RELN: variants seen among roughly 807,000 people sequenced by gnomAD.
RELN encodes the protein reelin.
RELN carries 108 observed loss-of-function variants against 427.6 expected under a neutral mutation model. The observed-to-expected ratio is 0.25, with a 90% CI of 0.22 to 0.30. RELN has a LOEUF of 0.30. Ranked by LOEUF, RELN falls within the 10% of genes least tolerant of loss-of-function variation. The probability of loss-of-function intolerance (pLI) is 1.00; values close to 1 mark genes in which losing one functional copy is unlikely to be tolerated. For missense variants in RELN, 3,715 were observed against 4,302.8 expected, an observed-to-expected ratio of 0.86 and a Z score of 3.82; for synonymous variants, 1,524 against 1,513.4, an observed-to-expected ratio of 1.01 and a Z score of -0.16.
chr7:103,724,178 T>C (rs1476446630), intron 7 of RELN, among the ~76,000 whole-genome samples: 1 of 152,126 alleles, frequency 6.6e-6, no homozygotes, highest in East Asian at 1.9e-4. Flanking sequence ...GCTGCTTTTT[T>C]TTTTCGTTGT....
intron 1 of RELN, among the ~76,000 whole-genome samples, chr7:103,963,968 A>G (rs6955576): frequency 0.54 from 81,673 of 151,792 alleles, 22,335 homozygotes; most frequent in African/African-American, 0.64. Context: ...TTTGGCATCC[A>G]GGGCAACACA....
chr7:103,614,201 G>C (rs1022539250), intron 20 of RELN, among the ~76,000 whole-genome samples: 1 of 152,280 alleles, frequency 6.6e-6, no homozygotes, highest in South Asian at 2.1e-4. Flanking sequence ...TTTTTGCTTA[G>C]CAACTGTATC....
intron 3 of RELN, among the ~76,000 whole-genome samples, chr7:103,782,723 T>A (rs891697272): frequency 6.6e-6 from 1 of 152,220 alleles, no homozygotes; most frequent in African/African-American, 2.4e-5. Flanking sequence ...AATACAAAAG[T>A]ATTTTAATAT....
chr7:103,493,970 T>C (rs1403453460), intron 57 of RELN, among the ~76,000 whole-genome samples: 1 of 152,134 alleles, frequency 6.6e-6, no homozygotes, highest in African/African-American at 2.4e-5. Context: ...GTCTCTTCAG[T>C]GCAGTTACTT....
At chr7:103,742,610 A>T (rs927544239) in intron 6 of RELN, among the ~76,000 whole-genome samples, 1 of 152,246 alleles carries the variant, frequency 6.6e-6, no homozygotes, top group Non-Finnish European at 1.5e-5. Context: ...CGAGAGCTAC[A>T]TGACGAATGC....
Position 103,561,669 on chromosome 7 carries a change from C to G in RELN, c.5392G>C (p.Val1798Leu), listed in dbSNP as rs1464250141. Residue 1798 changes from valine (V) to leucine (L), a missense_variant, in exon 36 of 65, where the codon GTT (valine) becomes CTT (leucine). Val to Leu is a conservative substitution (Grantham distance 32). Transcript: ENST00000428762. ...GFGGPYCVPV[V>L]PLPSILKDDF... is the part of the protein sequence containing the mutation. The stretch of plus-strand genomic sequence containing the variant: ...TCTTTAAGAATCGAGGGCAGAGGAA[C>G]AACAGGAACACAATAGGGTCCACCA... 1.2e-6 allele frequency: 2 copies of G among 1,613,918 alleles called. No homozygotes were observed. The highest frequency in any genetic ancestry group is 1.1e-5 in the South Asian group (1 of 91,084).
chr7:103,673,985 T>C (rs1833453309), intron 11 of RELN, among the ~76,000 whole-genome samples: 1 of 152,008 alleles, frequency 6.6e-6, no homozygotes, highest in Non-Finnish European at 1.5e-5. Flanking sequence ...TCTTGGGAAC[T>C]TCTCTCAATT....
At position 103,934,087 on chromosome 7, in the gene RELN, G is replaced by C. The variant is rs78213553; in HGVS notation, c.227-16902C>G. Among the ~76,000 whole-genome samples, 879 of 149,814 alleles carry C rather than the reference G, an allele frequency of 5.9e-3. 5 individuals carry two copies. Among genetic ancestry groups the C allele is most frequent in the African/African-American group, 0.019 (780 of 40,212 alleles). On this transcript the variant is annotated intron_variant, in intron 1 of 64. Transcript: ENST00000428762. ...TCCATACCATGACACTGTGGAATTT[G>C]TCCCAAATCTTTTTAGGACAGTTGG...
intron 61 of RELN, chr7:103,484,144 T>C (rs1186377158): frequency 2.5e-6 from 1 of 406,384 alleles, no homozygotes; most frequent in African/African-American, 2.0e-5. Flanking sequence ...CCTCCCAAAG[T>C]GCTGGGATTA....
intron 3 of RELN, among the ~76,000 whole-genome samples, chr7:103,811,336 C>A (rs1792738783): frequency 6.6e-6 from 1 of 152,274 alleles, no homozygotes; most frequent in South Asian, 2.1e-4. Flanking sequence ...GCAGAAGGGC[C>A]TGGGTTTAAT....
At position 103,557,163 on chromosome 7, in the gene RELN, GGAA is replaced by G; in HGVS notation, c.5615-7_5615-5del. The G allele has an allele frequency of 1.2e-6, 2 of 1,609,582 alleles. No homozygotes were observed. The highest frequency in any genetic ancestry group is 1.7e-6 in the Non-Finnish European group (2 of 1,176,018). On this transcript the variant is annotated splice_polypyrimidine_tract_variant and splice_region_variant and intron_variant, in intron 37 of 64. Coordinates refer to ENST00000428762, the MANE Select transcript of RELN (RefSeq NM_005045.4). ...GAGTGAGATCTCTCTGGGGTACCTA[GGAA>G]GAAGATAACACAGGTATAAAACATA... is the stretch of plus-strand genomic sequence containing the variant.
intron 1 of RELN, among the ~76,000 whole-genome samples, chr7:103,967,834 A>C (rs1328941853): frequency 2.6e-5 from 4 of 152,134 alleles, no homozygotes; most frequent in African/African-American, 9.7e-5. Flanking sequence ...TTCAAGCTTC[A>C]AGGTCCATAC....
chr7:103,603,490 C>T lies in RELN; in HGVS notation c.3147G>A (p.Arg1049=). 1 of 1,613,562 alleles carries T rather than the reference C, an allele frequency of 6.2e-7. No homozygotes were observed. The stretch of plus-strand genomic sequence containing the variant: ...CAGTGCCTTGGTACCCCTGGTCACA[C>T]CTATGAGAGAGCAGGGCTGAGTAGG... ...GHGSCDHGIC[R]CDQGYQGTEC... The change falls in exon 24 of 65, where the codon AGG becomes AGA. Residue 1049 remains arginine (R), a splice_region_variant and synonymous_variant. Transcript: ENST00000428762. The surrounding 1 kb of genome is among the most constrained non-coding windows in gnomAD (Gnocchi z 4.3).
At chr7:103,543,464 G>A (rs991366097) in intron 42 of RELN, among the ~76,000 whole-genome samples, 11 of 152,094 alleles carry the variant, frequency 7.2e-5, no homozygotes, top group African/African-American at 2.4e-4. Context: ...CGGCCAACAT[G>A]ACAAAACCCT....
chr7:103,911,615 C>G (rs535290582), intron 2 of RELN, among the ~76,000 whole-genome samples: 73 of 151,440 alleles, frequency 4.8e-4, no homozygotes, highest in African/African-American at 1.7e-3. Context: ...AAAAGTCCAA[C>G]AGTGATAGAC....
chr7:103,516,286 C>CTTTTT (rs3051646), intron 49 of RELN, among the ~76,000 whole-genome samples: 37 of 141,166 alleles, frequency 2.6e-4, no homozygotes, highest in South Asian at 6.8e-4. Flanking sequence ...CACAAAGTAT[C>CTTTTT]TTTTTTTTTT....
At chr7:103,823,441 T>C (rs1049562110) in intron 3 of RELN, among the ~76,000 whole-genome samples, 7 of 152,026 alleles carry the variant, frequency 4.6e-5, no homozygotes, top group African/African-American at 1.7e-4. Context: ...TAACTGTTCT[T>C]TAATCCTTTG....
intron 31 of RELN, among the ~76,000 whole-genome samples, chr7:103,568,650 G>A (rs551915019): frequency 2.3e-4 from 35 of 152,274 alleles, no homozygotes; most frequent in African/African-American, 7.9e-4. Context: ...CTCAAGATAT[G>A]TCCTATGGGC....
At chr7:103,756,725 T>C (rs774408071) in intron 4 of RELN, among the ~76,000 whole-genome samples, 16 of 151,728 alleles carry the variant, frequency 1.1e-4, no homozygotes, top group Non-Finnish European at 1.9e-4. Context: ...ACTCAACAAA[T>C]TTACATCGTA....
Sources: gnomAD v4.1 joint callset for allele counts (sites outside exome capture counted in the v4.1 genomes callset) on GRCh38, gnomAD v4.1.1 for gene constraint, Gnocchi (gnomAD v3.1) non-coding constraint, MANE v1.5 for transcripts, NCBI Gene and HGNC (gene_info 2026-07-23, HGNC 2026-07-21) for gene names.